Variants in MAP6 observed in about 807,000 individuals in gnomAD.
The protein encoded by MAP6 is microtubule-associated protein 6.
MAP6 carries 26 observed loss-of-function variants against 42.4 expected under a neutral mutation model. The ratio of observed to expected loss-of-function variants is 0.61; its 90% confidence interval spans 0.45 to 0.85. The LOEUF (loss-of-function observed/expected upper bound fraction) is 0.85, where lower values mean the gene tolerates loss of function less well. MAP6 is among the 40% of genes least tolerant of loss of function. The pLI is 0.00. For synonymous variants in MAP6, 418 were observed against 443.8 expected (o/e 0.94, Z 0.73); for missense variants, 966 against 1,099.0 (o/e 0.88, Z 1.71).
chr11:75,643,298 G>T (rs180814056), intron 1 of MAP6, among the ~76,000 whole-genome samples: 11 of 151,890 alleles, frequency 7.2e-5, no homozygotes, highest in Admixed American at 5.9e-4. Context: ...TACTGCAGAT[G>T]TCCCTCCTTT....
chr11:75,638,836 T>C (rs1279072989), intron 1 of MAP6, among the ~76,000 whole-genome samples: 1 of 152,042 alleles, frequency 6.6e-6, no homozygotes, highest in African/African-American at 2.4e-5. Context: ...AACCATGATA[T>C]AAAAAAGACA....
At chr11:75,588,609 G>A (rs1942415126) in intron 3 of MAP6, among the ~76,000 whole-genome samples, 1 of 152,032 alleles carries the variant, frequency 6.6e-6, no homozygotes, top group Admixed American at 6.6e-5. Flanking sequence ...GCCCCCACAG[G>A]CCAGGGTGCT....
intron 1 of MAP6, among the ~76,000 whole-genome samples, chr11:75,623,868 C>A (rs1240765805): frequency 6.6e-6 from 1 of 152,166 alleles, no homozygotes; most frequent in Non-Finnish European, 1.5e-5. Context: ...TTTTGTGCTG[C>A]TTTTGATTCT....
At chr11:75,661,383 T>G (rs1404314883) in intron 1 of MAP6, among the ~76,000 whole-genome samples, 1 of 152,004 alleles carries the variant, frequency 6.6e-6, no homozygotes, top group Admixed American at 6.5e-5. Flanking sequence ...TACATAAGAC[T>G]AATATAAAAA....
chr11:75,667,863 C>A lies in MAP6; in HGVS notation c.507G>T (p.Gly169=). The A allele has an allele frequency of 1.4e-6, 2 of 1,442,440 alleles. No individual in the cohort carries two copies. The highest frequency in any genetic ancestry group is 1.8e-6 in the Non-Finnish European group (2 of 1,094,866). The allele number at this position is 1,442,440 out of a possible 1,614,324, so 89.4% of individuals were successfully genotyped here. Residue 169 remains glycine, a synonymous_variant, in exon 1 of 4, where the codon GGG becomes GGT. Coordinates refer to ENST00000304771, the MANE Select transcript of MAP6 (RefSeq NM_033063.2). This position sits in a 1 kb window ranked among gnomAD's most constrained non-coding sequence, Gnocchi z 5.6. ...DFRAWPLPRR[G]DHPWIPKPVQ... Reference sequence around the variant, plus strand: ...CGGGCTTGGGGATCCACGGGTGGTCCCCGCGGCGCGGCAGCGGCCAGGCGC... The same window carrying A: ...CGGGCTTGGGGATCCACGGGTGGTCACCGCGGCGCGGCAGCGGCCAGGCGC...
chr11:75,646,118 AAC>A (rs1050634219), intron 1 of MAP6, among the ~76,000 whole-genome samples: 2 of 152,118 alleles, frequency 1.3e-5, no homozygotes, highest in Non-Finnish European at 2.9e-5. Flanking sequence ...CAAAACAGCA[AAC>A]ACAGAGAGAA....
Position 75,654,257 on chromosome 11 carries a change from G to A in MAP6, c.905+13208C>T, listed in dbSNP as rs774336626. ...AAATAAAGCCAGACATCAGAGGAAA[G>A]CAGGAATTACAAGAATGTATTGTAC... On this transcript the variant is annotated intron_variant, in intron 1 of 3. Transcript: ENST00000304771. Among the ~76,000 whole-genome samples the A allele has an allele frequency of 2.3e-4, 35 of 152,294 alleles. 1 individual carries two copies. Among genetic ancestry groups the A allele is most frequent in the African/African-American group, 7.7e-4 (32 of 41,574 alleles).
At chr11:75,650,769 T>A (rs1943633780) in intron 1 of MAP6, among the ~76,000 whole-genome samples, 1 of 152,190 alleles carries the variant, frequency 6.6e-6, no homozygotes, top group African/African-American at 2.4e-5. Context: ...ACAGAAATAG[T>A]AAATGGAAAG....
At chr11:75,591,539 G>A (rs1372850264) in intron 3 of MAP6, among the ~76,000 whole-genome samples, 2 of 152,240 alleles carry the variant, frequency 1.3e-5, no homozygotes, top group African/African-American at 2.4e-5. Context: ...GGTGGAAGCT[G>A]GTTCGTGGCT....
intron 3 of MAP6, among the ~76,000 whole-genome samples, chr11:75,591,307 T>C (rs1056627392): frequency 1.3e-5 from 2 of 152,234 alleles, no homozygotes; most frequent in African/African-American, 4.8e-5. Context: ...TGTTACATTT[T>C]ACTAATTTTA....
chr11:75,668,516 C>T lies in MAP6; in HGVS notation c.-147G>A, dbSNP rs1944006122. On this transcript the variant is annotated 5_prime_UTR_variant, in exon 1 of 4. Transcript: ENST00000304771. ...TCAGCCGGAGCTAGTTCGCCCTCCTCCCTCAGCGAGCACCCGGGGAGAGCT... is the reference window on the plus strand; with the variant it reads ...TCAGCCGGAGCTAGTTCGCCCTCCTTCCTCAGCGAGCACCCGGGGAGAGCT... The T allele has an allele frequency of 1.1e-5, 13 of 1,219,062 alleles. No homozygotes were observed. In the East Asian group the frequency reaches 3.9e-4, roughly 37 times the overall value. The allele number at this position is 1,219,062 out of a possible 1,614,324, so 75.5% of individuals were successfully genotyped here.
At chr11:75,643,276 T>G (rs982288210) in intron 1 of MAP6, among the ~76,000 whole-genome samples, 11 of 151,914 alleles carry the variant, frequency 7.2e-5, no homozygotes, top group Non-Finnish European at 1.2e-4. Flanking sequence ...TTATTCACAT[T>G]TGCCAGCACA....
At chr11:75,604,524 G>C in intron 3 of MAP6, 1 of 985,416 alleles carries the variant, frequency 1.0e-6, no homozygotes, top group Non-Finnish European at 1.2e-6. Context: ...AGAGTGTGCT[G>C]AGCAATATAC....
chr11:75,603,240 C>T (rs976980497), intron 3 of MAP6: 2 of 985,418 alleles, frequency 2.0e-6, no homozygotes, highest in African/African-American at 3.5e-5. Flanking sequence ...GCTCCCTCGC[C>T]AGGGAAGGAC....
chr11:75,649,763 A>C (rs1450701306), intron 1 of MAP6, among the ~76,000 whole-genome samples: 1 of 151,332 alleles, frequency 6.6e-6, no homozygotes, highest in East Asian at 1.9e-4. Flanking sequence ...CTGGTCTTGA[A>C]CTCCTGCCCT....
intron 1 of MAP6, among the ~76,000 whole-genome samples, chr11:75,639,023 T>C (rs1943417308): frequency 1.3e-5 from 2 of 152,192 alleles, no homozygotes; most frequent in African/African-American, 4.8e-5. Flanking sequence ...TGGAAGCCAT[T>C]ATCTTAAATG....
intron 3 of MAP6, among the ~76,000 whole-genome samples, chr11:75,600,801 C>T (rs551789224): frequency 4.6e-5 from 7 of 152,292 alleles, no homozygotes; most frequent in South Asian, 2.1e-4. Context: ...TGGGACTTGA[C>T]GCTCCTCAAA....
At chr11:75,589,670 G>A (rs1352365002) in intron 3 of MAP6, among the ~76,000 whole-genome samples, 1 of 152,204 alleles carries the variant, frequency 6.6e-6, no homozygotes, top group Non-Finnish European at 1.5e-5. Context: ...CTGGCACATA[G>A]TAGGTGCTCA....
In MAP6 at chr11:75,605,935, C is replaced by A. The variant is rs192196053; in HGVS notation, c.1189G>T (p.Ala397Ser). Reference protein sequence around the residue: ...TSASHKPTRKAKDKQAVSGQA... With the variant: ...TSASHKPTRKSKDKQAVSGQA... ...CCTGACACCGCCTGCTTGTCTTTGG[C>A]CTTCCTCGTGGGCTTATGGCTCGCT... Residue 397 changes from alanine (A) to serine (S), a missense_variant, in exon 3 of 4, where the codon GCC becomes TCC. By Grantham distance (99) the Ala-to-Ser change is moderately conservative. Coordinates refer to ENST00000304771, the MANE Select transcript of MAP6 (RefSeq NM_033063.2). 5.1e-4 allele frequency: 826 copies of A among 1,614,094 alleles called. 4 individuals carry two copies. The highest frequency in any genetic ancestry group is 4.3e-5 in the Non-Finnish European group (51 of 1,180,024).
Sources: allele counts gnomAD v4.1 joint callset (sites outside exome capture counted in the v4.1 genomes callset), GRCh38; gene constraint gnomAD v4.1.1; non-coding constraint Gnocchi (gnomAD v3.1); transcripts MANE v1.5; gene names NCBI Gene and HGNC (gene_info 2026-07-23, HGNC 2026-07-21).